The following FRY variants were observed in gnomAD, a reference collection of about 807,000 sequenced individuals.
FRY encodes protein furry homolog.
Under a neutral mutation model 348.4 loss-of-function variants are expected in FRY, and 128 were observed. The observed-to-expected ratio is 0.37, with a 90% CI of 0.32 to 0.43. FRY has a LOEUF of 0.43. Ranked by LOEUF, FRY falls within the 20% of genes least tolerant of loss-of-function variation. The pLI is 1.00. For synonymous variants in FRY, 1,370 were observed against 1,374.7 expected (o/e 1.00, Z 0.08); for missense variants, 2,736 against 3,695.2 (o/e 0.74, Z 6.73).
At chr13:32,270,950 A>G (rs1024408097) in intron 55 of FRY, among the ~76,000 whole-genome samples, 5 of 152,206 alleles carry the variant, frequency 3.3e-5, no homozygotes, top group Non-Finnish European at 5.9e-5. Flanking sequence ...TTCTAACTTC[A>G]TGTCAGTAGA....
At chr13:32,117,089 T>G (rs1878348516) in intron 3 of FRY, among the ~76,000 whole-genome samples, 1 of 152,202 alleles carries the variant, frequency 6.6e-6, no homozygotes, top group Non-Finnish European at 1.5e-5. Flanking sequence ...ATCTGATTTC[T>G]AGAATGAAAG....
rs747302144 is a variant in FRY at position 32,295,338 on chromosome 13, G to A, written c.8920G>A (p.Glu2974Lys). The A allele has an allele frequency of 2.4e-5, 39 of 1,613,794 alleles. No homozygotes were observed. Among genetic ancestry groups the A allele is most frequent in the Middle Eastern group, 1.6e-4 (1 of 6,084 alleles). ...ALVGSNQSLTEICTKLMELNM... is the reference protein window; with the variant it reads ...ALVGSNQSLTKICTKLMELNM... ...GGTGGGGTCTAACCAGAGCCTGACC[G>A]AGATCTGCACCAAGCTGATGGAGCT... The change falls in exon 61 of 61, where the codon GAG (glutamate) becomes AAG (lysine). Residue 2974 changes from glutamate to lysine, a missense_variant. Transcript: ENST00000542859.
chr13:32,199,033 T>C (rs1306914685), intron 29 of FRY, among the ~76,000 whole-genome samples: 1 of 152,206 alleles, frequency 6.6e-6, no homozygotes, highest in African/African-American at 2.4e-5. Flanking sequence ...AAAAGTTGGA[T>C]TTCCCAGGAA....
chr13:32,062,107 A>G (rs1010725871), intron 1 of FRY, among the ~76,000 whole-genome samples: 1 of 152,112 alleles, frequency 6.6e-6, no homozygotes, highest in Admixed American at 6.6e-5. Flanking sequence ...CTAGGAAAAA[A>G]AAATCCTGTT....
chr13:32,289,498 C>T, intron 58 of FRY, 135 bp from the exon 59 acceptor site: 1 of 652,518 alleles, frequency 1.5e-6, no homozygotes, highest in Admixed American at 2.3e-5. Flanking sequence ...TTTCATTTTT[C>T]TGTTTTATTT....
chr13:32,276,592 G>T (rs1309398471), intron 57 of FRY, 30 bp downstream of exon 57: 1 of 1,190,816 alleles, frequency 8.4e-7, no homozygotes, highest in Non-Finnish European at 1.3e-6. Flanking sequence ...TGCATATGCA[G>T]TCAGTTAAAA....
chr13:32,273,385 G>A (rs1330781094), intron 55 of FRY, among the ~76,000 whole-genome samples: 7 of 151,922 alleles, frequency 4.6e-5, no homozygotes, highest in African/African-American at 1.7e-4. Flanking sequence ...ACCTCGCCCG[G>A]CTAATTTTTT....
At chr13:32,284,863 T>C (rs1888971430) in intron 58 of FRY, among the ~76,000 whole-genome samples, 1 of 152,234 alleles carries the variant, frequency 6.6e-6, no homozygotes, top group Non-Finnish European at 1.5e-5. Context: ...TGACTGGTTA[T>C]GTCATAAGCA....
chr13:32,080,525 G>A (rs1875408000), intron 2 of FRY, among the ~76,000 whole-genome samples: 1 of 152,170 alleles, frequency 6.6e-6, no homozygotes. Flanking sequence ...ATACTTTATT[G>A]TCAGTCTTTG....
At chr13:32,229,876 C>T (rs1885814390) in intron 40 of FRY, among the ~76,000 whole-genome samples, 1 of 152,142 alleles carries the variant, frequency 6.6e-6, no homozygotes, top group African/African-American at 2.4e-5. Flanking sequence ...AACAAACAAA[C>T]ATGTAGCACT....
intron 11 of FRY, among the ~76,000 whole-genome samples, chr13:32,142,787 T>C (rs1051758950): frequency 7.2e-5 from 11 of 152,230 alleles, no homozygotes; most frequent in African/African-American, 2.7e-4. Flanking sequence ...TCTGGTTTTG[T>C]TTTTAATATA....
At chr13:32,046,011 T>A (rs1161526184) in intron 1 of FRY, among the ~76,000 whole-genome samples, 1 of 152,132 alleles carries the variant, frequency 6.6e-6, no homozygotes, top group Non-Finnish European at 1.5e-5. Flanking sequence ...GAAGACCCAC[T>A]CAACAATTCT....
Position 32,209,706 on chromosome 13 carries a change from G to A in FRY, c.4397G>A (p.Ser1466Asn). Residue 1466 changes from serine (S) to asparagine (N), a missense_variant, in exon 33 of 61, where the codon AGC becomes AAC. This residue lies in a region of FRY where 794 missense variants were observed against 977.0 expected (regional missense o/e 0.81). Coordinates refer to ENST00000542859, the MANE Select transcript of FRY (RefSeq NM_023037.3). ...LQFLISLCGV[S>N]SDTVLLPYIK... ...TTCCTGATTAGCCTCTGTGGGGTCA[G>A]CAGCGACACAGTTCTCCTACCCTAT... 1 of 1,614,166 alleles carries A rather than the reference G, an allele frequency of 6.2e-7. No individual in the cohort carries two copies. Among genetic ancestry groups the A allele is most frequent in the Non-Finnish European group, 8.5e-7 (1 of 1,180,002 alleles).
At chr13:32,157,467 A>AATT in intron 16 of FRY, 62 bp downstream of exon 16, 1 of 1,433,604 alleles carries the variant, frequency 7.0e-7, no homozygotes, top group Non-Finnish European at 9.8e-7. Flanking sequence ...AGTAGAGAGT[A>AATT]TTCTCATTTA....
chr13:32,176,682 TA>T (rs1882378250), intron 20 of FRY, among the ~76,000 whole-genome samples: 1 of 152,232 alleles, frequency 6.6e-6, no homozygotes, highest in Admixed American at 6.5e-5. Flanking sequence ...GATAACACTT[TA>T]TATTTTGTTC....
intron 2 of FRY, among the ~76,000 whole-genome samples, chr13:32,087,256 G>A (rs1394828864): frequency 6.6e-6 from 1 of 152,198 alleles, no homozygotes; most frequent in Non-Finnish European, 1.5e-5. Flanking sequence ...CACAAACACT[G>A]AAAGGCCAGG....
At chr13:32,090,446 T>G (rs369217221) in intron 2 of FRY, among the ~76,000 whole-genome samples, 173 of 150,886 alleles carry the variant, frequency 1.1e-3, no homozygotes, top group African/African-American at 4.1e-3. Context: ...TGTTGATAGC[T>G]GAGAGAAAGA....
chr13:32,244,229 A>T (rs748119845), intron 47 of FRY, 47 bp downstream of exon 47: 1 of 1,566,432 alleles, frequency 6.4e-7, no homozygotes, highest in Non-Finnish European at 8.8e-7. Flanking sequence ...TTCTAAAAAG[A>T]TGGAGGCTTT....
rs971203499 is a variant in FRY at position 32,282,814 on chromosome 13, A to G, written c.8469+4266A>G. Among the ~76,000 whole-genome samples the G allele has an allele frequency of 9.8e-5, 15 of 152,334 alleles. No homozygotes were observed. The East Asian group carries it at 2.5e-3, about 25-fold the overall frequency. ...CAGACATGTTGTGTTAAGCTTGCAC[A>G]ATATTAACTGACCCTGCATTTAAAA... On this transcript the variant is annotated intron_variant, in intron 58 of 60. Coordinates refer to ENST00000542859, the MANE Select transcript of FRY (RefSeq NM_023037.3).
Sources: allele counts gnomAD v4.1 joint callset (sites outside exome capture counted in the v4.1 genomes callset), GRCh38; gene constraint gnomAD v4.1.1; regional missense constraint gnomAD v4.1.1; transcripts MANE v1.5; gene names NCBI Gene and HGNC (gene_info 2026-07-23, HGNC 2026-07-21).